Variants in DENND5A observed in about 807,000 individuals in gnomAD.
The protein encoded by DENND5A is DENN domain containing 5A.
A neutral mutation model predicts 140.3 loss-of-function variants in DENND5A; 64 were observed. The observed-to-expected ratio is 0.46, with a 90% CI of 0.37 to 0.56. DENND5A has a LOEUF of 0.56. Ranked by LOEUF, DENND5A falls within the 20% of genes least tolerant of loss-of-function variation. DENND5A has a pLI of 0.00. For missense variants in DENND5A, 1,292 were observed against 1,593.8 expected, an observed-to-expected ratio of 0.81 and a Z score of 3.22; for synonymous variants, 605 against 607.7, an observed-to-expected ratio of 1.00 and a Z score of 0.07.
chr11:9,209,332 TG>T (rs1849794938), intron 1 of DENND5A, among the ~76,000 whole-genome samples: 1 of 152,150 alleles, frequency 6.6e-6, no homozygotes, highest in Non-Finnish European at 1.5e-5. Flanking sequence ...ATAGGAAAGC[TG>T]AGTGATTAAG....
At chr11:9,206,962 G>A (rs905349368) in intron 2 of DENND5A, among the ~76,000 whole-genome samples, 180 bp from the exon 3 acceptor site, 1 of 152,272 alleles carries the variant, frequency 6.6e-6, no homozygotes, top group African/African-American at 2.4e-5. Context: ...TAAAGAAGCT[G>A]AAAAAGTATA....
intron 1 of DENND5A, among the ~76,000 whole-genome samples, chr11:9,227,526 G>C (rs1339773122): frequency 6.6e-6 from 1 of 152,206 alleles, no homozygotes; most frequent in Non-Finnish European, 1.5e-5. Flanking sequence ...AAGCTGGGAA[G>C]GTAGTGCAGT....
In DENND5A at chr11:9,145,034, T is replaced by A. The variant is rs769993919; in HGVS notation, c.3083A>T (p.Tyr1028Phe). 10 of 1,614,138 alleles carry A rather than the reference T, an allele frequency of 6.2e-6. No homozygotes were observed. The highest frequency in any genetic ancestry group is 8.5e-6 in the Non-Finnish European group (10 of 1,180,000). Residue 1028 changes from tyrosine to phenylalanine, a missense_variant, in exon 18 of 23, where the codon TAT (tyrosine) becomes TTT (phenylalanine). Coordinates refer to ENST00000328194, the MANE Select transcript of DENND5A (RefSeq NM_015213.4). ...SGLYAKWLVE[Y>F]VMVRNEITGH... is the part of the protein sequence containing the mutation. ...TGTGATCTCATTCCTGACCATCACA[T>A]ACTCCACCAGCCATTTGGCATACAG...
At chr11:9,140,885 G>A (rs149898834) in intron 22 of DENND5A, among the ~76,000 whole-genome samples, 28 of 152,300 alleles carry the variant, frequency 1.8e-4, no homozygotes, top group East Asian at 1.2e-3. Flanking sequence ...TCAGCACTTT[G>A]GGAGGCCAAG....
chr11:9,145,609 C>A, intron 17 of DENND5A, 61 bp downstream of exon 17: 1 of 1,591,738 alleles, frequency 6.3e-7, no homozygotes, highest in Non-Finnish European at 8.6e-7. Flanking sequence ...GCAGAAAACT[C>A]CCCAAAGCGG....
intron 5 of DENND5A, among the ~76,000 whole-genome samples, chr11:9,188,318 G>C (rs902253032): frequency 4.6e-5 from 7 of 152,184 alleles, no homozygotes; most frequent in Admixed American, 6.5e-5. Context: ...GAACTGTTAA[G>C]TCCATTAAAC....
rs556290457 is a variant in DENND5A, at chr11:9,179,043, T to C, written c.1486A>G (p.Lys496Glu). ...LEVREDPSSN[K>E]DLKVQCDEEE... ...TCATCACACTGAACTTTGAGATCCT[T>C]ATTGCTGCTGGGGTCTTCACGCACT... Residue 496 changes from lysine (K) to glutamate (E), a missense_variant, in exon 7 of 23, where the codon AAG becomes GAG. Coordinates refer to ENST00000328194, the MANE Select transcript of DENND5A (RefSeq NM_015213.4). 5.4e-5 allele frequency: 87 copies of C among 1,614,044 alleles called. No homozygotes were observed. Among genetic ancestry groups the C allele is most frequent in the Middle Eastern group, 1.6e-4 (1 of 6,084 alleles).
chr11:9,156,257 T>C (rs1387074689), intron 12 of DENND5A, among the ~76,000 whole-genome samples: 1 of 152,068 alleles, frequency 6.6e-6, no homozygotes, highest in African/African-American at 2.4e-5. Flanking sequence ...ATCCTCACTC[T>C]CCTCTGGTGA....
At chr11:9,232,686 C>T (rs903638153) in intron 1 of DENND5A, among the ~76,000 whole-genome samples, 1 of 152,098 alleles carries the variant, frequency 6.6e-6, no homozygotes, top group Non-Finnish European at 1.5e-5. Context: ...GCTGAACATG[C>T]GTATACCTAT....
At chr11:9,224,230 C>G (rs1028197227) in intron 1 of DENND5A, among the ~76,000 whole-genome samples, 1 of 152,090 alleles carries the variant, frequency 6.6e-6, no homozygotes, top group African/African-American at 2.4e-5. Context: ...CCTAAAACAA[C>G]ATGCCTAAAG....
chr11:9,205,362 G>A (rs1849660105), intron 3 of DENND5A, among the ~76,000 whole-genome samples: 1 of 152,052 alleles, frequency 6.6e-6, no homozygotes, highest in Admixed American at 6.6e-5. Flanking sequence ...ACAAATACAA[G>A]GACCTATATT....
intron 1 of DENND5A, among the ~76,000 whole-genome samples, chr11:9,229,899 C>CTTTTTTTT (rs71062816): frequency 3.9e-4 from 25 of 64,912 alleles, no homozygotes; most frequent in East Asian, 5.5e-4. Context: ...GCTCCCATTT[C>CTTTTTTTT]TTTTTTTTTT....
In DENND5A at chr11:9,241,708, A is replaced by C. The variant is rs981843202; in HGVS notation, c.109+23253T>G. On this transcript the variant is annotated intron_variant, in intron 1 of 22. Coordinates refer to ENST00000328194, the MANE Select transcript of DENND5A (RefSeq NM_015213.4). ...CATCCTCTCAGTGAGGTATACCCTG[A>C]CCATCCTATTAAAAGTACAACATCA... is the stretch of plus-strand genomic sequence containing the variant. 9.9e-5 allele frequency among the ~76,000 whole-genome samples: 15 copies of C among 152,180 alleles called. 1 individual carries two copies. Among genetic ancestry groups the C allele is most frequent in the Middle Eastern group, 6.8e-3 (2 of 294 alleles).
chr11:9,261,713 G>C (rs1216939780), intron 1 of DENND5A, among the ~76,000 whole-genome samples: 2 of 142,062 alleles, frequency 1.4e-5, no homozygotes, highest in African/African-American at 2.6e-5. Flanking sequence ...GGGAGACGGA[G>C]GTTTCAGTGA....
At position 9,144,286 on chromosome 11, in the gene DENND5A, T is replaced by TGG. The variant is rs766424313; in HGVS notation, c.3123-9_3123-8insCC. ...CACCGGCCACACGGGAACCTGAAGA[T>TGG]CAGACAATGGACTGTCAGAGCAGCC... On this transcript the variant is annotated splice_polypyrimidine_tract_variant and intron_variant, in intron 18 of 22. Transcript: ENST00000328194. 1 of 1,613,496 alleles carries TGG rather than the reference T, an allele frequency of 6.2e-7. No homozygotes were observed. Among genetic ancestry groups the TGG allele is most frequent in the Non-Finnish European group, 8.5e-7 (1 of 1,179,924 alleles).
chr11:9,229,065 G>T (rs1850654508), intron 1 of DENND5A, among the ~76,000 whole-genome samples: 1 of 152,216 alleles, frequency 6.6e-6, no homozygotes, highest in Non-Finnish European at 1.5e-5. Context: ...GGACAGTCTT[G>T]TGAGACTAAG....
chr11:9,206,472 T>C (rs536433112), intron 3 of DENND5A, among the ~76,000 whole-genome samples: 1 of 152,332 alleles, frequency 6.6e-6, no homozygotes, highest in East Asian at 1.9e-4. Flanking sequence ...CAGAAACACA[T>C]TATAACTTTT....
At chr11:9,143,991 G>A in intron 19 of DENND5A, 106 bp downstream of exon 19, 1 of 1,343,844 alleles carries the variant, frequency 7.4e-7, no homozygotes. Context: ...TGTTTCCTGA[G>A]GCAGCTGCAC....
intron 1 of DENND5A, among the ~76,000 whole-genome samples, chr11:9,233,332 G>C (rs1850854031): frequency 6.6e-6 from 1 of 150,836 alleles, no homozygotes; most frequent in South Asian, 2.1e-4. Flanking sequence ...CCAGGAGGCA[G>C]AGGTTGGAGT....
Sources: gnomAD v4.1 joint callset for allele counts (sites outside exome capture counted in the v4.1 genomes callset) on GRCh38, gnomAD v4.1.1 for gene constraint, MANE v1.5 for transcripts, NCBI Gene and HGNC (gene_info 2026-07-23, HGNC 2026-07-21) for gene names.